EIF5A: variants seen among roughly 807,000 people sequenced by gnomAD.
EIF5A encodes the protein eukaryotic translation initiation factor 5A.
A neutral mutation model predicts 16.6 loss-of-function variants in EIF5A; 1 was observed. That is an observed-to-expected ratio of 0.06 (90% CI 0.02 to 0.28). The LOEUF (loss-of-function observed/expected upper bound fraction) is 0.28, where lower values mean the gene tolerates loss of function less well. Among genes scored for constraint, EIF5A ranks in the 10% least tolerant of loss-of-function variants. EIF5A has a pLI of 1.00. For synonymous variants in EIF5A, 80 were observed against 73.6 expected (o/e 1.09, Z -0.44); for missense variants, 29 against 196.1 (o/e 0.15, Z 5.09).
At chr17:7,310,081 C>G (rs1567612229) in intron 2 of EIF5A, 4 of 1,416,676 alleles carry the variant, frequency 2.8e-6, no homozygotes, top group South Asian at 2.4e-5. Context: ...CCTTTATGCT[C>G]TAGCTATTCA....
chr17:7,310,167 C>T (rs1383694873), intron 2 of EIF5A: 5 of 1,296,134 alleles, frequency 3.9e-6, no homozygotes, highest in African/African-American at 1.5e-5. Context: ...GCTTCCATCA[C>T]GTTGCCCAGG....
At position 7,311,768 on chromosome 17, in the gene EIF5A, A is replaced by C. The variant is rs533693273; in HGVS notation, c.*12-54A>C. On this transcript the variant is annotated intron_variant, in intron 5 of 5. Transcript: ENST00000336458. ...CCCCTAGCCTGGCTCTGTCCTCCCT[A>C]TCCTTCCTGTTGAAGGTATTATCCT... 4.6e-6 allele frequency: 6 copies of C among 1,318,236 alleles called. No homozygotes were observed. The African/African-American group carries it at 5.8e-5, about 13-fold the overall frequency. 81.7% of individuals were successfully genotyped at this position (1,318,236 alleles called of 1,614,324 possible).
chr17:7,310,015 T>C (rs554301319), intron 2 of EIF5A: 1 of 1,517,892 alleles, frequency 6.6e-7, no homozygotes, highest in East Asian at 2.5e-5. Flanking sequence ...CCCCGCATCA[T>C]TCTCTGGCAG....
At chr17:7,309,142 T>G (rs2072734367) in intron 1 of EIF5A, among the ~76,000 whole-genome samples, 1 of 149,042 alleles carries the variant, frequency 6.7e-6, no homozygotes, top group Admixed American at 6.7e-5. Context: ...GGGGGGGCAG[T>G]GTAACAGATG....
chr17:7,307,523 G>A (rs1189118823), upstream of EIF5A: 6 of 1,019,706 alleles, frequency 5.9e-6, no homozygotes, highest in East Asian at 3.8e-4. Context: ...TGGGTAGGGT[G>A]TGTGCGCTTG....
intron 2 of EIF5A, 184 bp downstream of exon 2, chr17:7,309,984 C>T (rs1263134701): frequency 8.5e-6 from 13 of 1,533,896 alleles, no homozygotes; most frequent in Non-Finnish European, 1.1e-5. Context: ...TCTTCAGCCT[C>T]TTCTGTGGTT....
chr17:7,307,250 T>A, upstream of EIF5A: 1 of 1,213,304 alleles, frequency 8.2e-7, no homozygotes. Flanking sequence ...TGGAAGGGGT[T>A]GTTTAGGATT....
rs753811920 is a variant in EIF5A, at chr17:7,311,448, T to C, written c.369T>C (p.Ile123=). 2.5e-6 allele frequency: 4 copies of C among 1,614,124 alleles called. No homozygotes were observed. The highest frequency in any genetic ancestry group is 2.2e-5 in the South Asian group (2 of 91,086). Residue 123 remains isoleucine (I), a synonymous_variant, in exon 4 of 6, where the codon ATT becomes ATC. Coordinates refer to ENST00000336458, the MANE Select transcript of EIF5A (RefSeq NM_001970.5). ...CTGAGGGAGACCTTGGCAAGGAGATTGAGCAGAAGTACGACTGTGGAGAAG... is the reference window on the plus strand; with the variant it reads ...CTGAGGGAGACCTTGGCAAGGAGATCGAGCAGAAGTACGACTGTGGAGAAG... The part of the protein sequence containing the change: ...RLPEGDLGKE[I]EQKYDCGEEI...
chr17:7,310,977 T>C, intron 2 of EIF5A, 41 bp from the exon 3 acceptor site: 1 of 1,586,992 alleles, frequency 6.3e-7, no homozygotes, highest in Non-Finnish European at 8.6e-7. Context: ...TCCTCCGTTT[T>C]AGAGTTTGGT....
At chr17:7,307,314 G>A, upstream of EIF5A, 3 of 1,175,918 alleles carry the variant, frequency 2.6e-6, no homozygotes, top group Non-Finnish European at 3.3e-6. Flanking sequence ...GGTGTGGAGT[G>A]CAGGGCTCCT....
In EIF5A at chr17:7,311,895, C is replaced by G. The variant is rs182823667; in HGVS notation, c.*85C>G. ...CCCCGAGCCTGGCCTGGCTCTGGCC[C>G]GGTCCTAAGCTGGACTCCTCCTACA... On this transcript the variant is annotated 3_prime_UTR_variant, in exon 6 of 6. Transcript: ENST00000336458. The G allele has an allele frequency of 1.0e-3, 613 of 609,286 alleles. 1 individual carries two copies. Among genetic ancestry groups the G allele is most frequent in the Non-Finnish European group, 1.6e-3 (543 of 337,428 alleles). 37.7% of individuals were successfully genotyped at this position (609,286 alleles called of 1,614,324 possible).
chr17:7,311,950 C>T lies in EIF5A; in HGVS notation c.*140C>T. The T allele has an allele frequency of 2.1e-6, 1 of 469,004 alleles. No individual in the cohort carries two copies. The highest frequency in any genetic ancestry group is 4.0e-6 in the Non-Finnish European group (1 of 249,824). 29.1% of individuals were successfully genotyped at this position (469,004 alleles called of 1,614,324 possible). On this transcript the variant is annotated 3_prime_UTR_variant, in exon 6 of 6. Transcript: ENST00000336458. ...TTATTTGACGTTTTATTTTGGTTTT[C>T]CCCACCCCCTCAATCTGTCGGGGAG...
At chr17:7,307,798 C>T (rs1234456081) in intron 1 of EIF5A, 46 bp downstream of exon 1, 2 of 886,248 alleles carry the variant, frequency 2.3e-6, no homozygotes, top group African/African-American at 4.0e-5. Context: ...GGCTTGGGCC[C>T]GGGAGAAGAT....
chr17:7,307,315 C>T, upstream of EIF5A: 1 of 1,179,046 alleles, frequency 8.5e-7, no homozygotes, highest in Non-Finnish European at 1.1e-6. Flanking sequence ...GTGTGGAGTG[C>T]AGGGCTCCTT....
At chr17:7,308,199 C>T in intron 1 of EIF5A, 1 of 1,012,874 alleles carries the variant, frequency 9.9e-7, no homozygotes, top group Non-Finnish European at 1.2e-6. Flanking sequence ...TGGCTCCGGC[C>T]TGGCGCAGTC....
chr17:7,310,618 TCTTA>T (rs2072792245), intron 2 of EIF5A: 1 of 985,404 alleles, frequency 1.0e-6, no homozygotes. Context: ...CTTTCACATT[TCTTA>T]GTTTCTTATC....
intron 2 of EIF5A, chr17:7,310,585 C>T (rs1404399482): frequency 3.7e-6 from 4 of 1,066,930 alleles, no homozygotes; most frequent in Non-Finnish European, 4.6e-6. Context: ...TTCTGATCTC[C>T]CTGCAAGTCC....
intron 1 of EIF5A, chr17:7,308,386 C>A: frequency 8.2e-7 from 1 of 1,222,730 alleles, no homozygotes. Flanking sequence ...AGCCGGCAGC[C>A]CCTAGCGCGG....
At chr17:7,308,157 T>C (rs1365173939) in intron 1 of EIF5A, 1 of 95,276 alleles carries the variant, frequency 1.0e-5, no homozygotes, top group Non-Finnish European at 1.7e-5. Flanking sequence ...ATGGGGGGGG[T>C]TGGCGGACGG....
Sources: gnomAD v4.1 joint callset for allele counts (sites outside exome capture counted in the v4.1 genomes callset) on GRCh38, gnomAD v4.1.1 for gene constraint, MANE v1.5 for transcripts, NCBI Gene and HGNC (gene_info 2026-07-23, HGNC 2026-07-21) for gene names.